The following DHX36 variants were observed in gnomAD, a reference collection of about 807,000 sequenced individuals.
DHX36 encodes the protein ATP-dependent DNA/RNA helicase DHX36.
Under a neutral mutation model 139.0 loss-of-function variants are expected in DHX36, and 50 were observed. The observed-to-expected ratio is 0.36, with a 90% CI of 0.29 to 0.46. The LOEUF (loss-of-function observed/expected upper bound fraction) is 0.46, where lower values mean the gene tolerates loss of function less well. Ranked by LOEUF, DHX36 falls within the 20% of genes least tolerant of loss-of-function variation. The pLI is 1.00. For synonymous variants in DHX36, 425 were observed against 401.9 expected (o/e 1.06, Z -0.69); for missense variants, 1,024 against 1,211.3 (o/e 0.85, Z 2.29).
At position 154,300,705 on chromosome 3, in the gene DHX36, GT is replaced by G; in HGVS notation, c.1359-10del. ...CAGTACTTGCAGAATACCTATCAAAGTTAAACACAAAGTCATGAAATACTTA... is the reference window on the plus strand; with the variant it reads ...CAGTACTTGCAGAATACCTATCAAAGTAAACACAAAGTCATGAAATACTTA... On this transcript the variant is annotated splice_polypyrimidine_tract_variant and intron_variant, in intron 10 of 24. Transcript: ENST00000496811. 1.3e-6 allele frequency: 2 copies of G among 1,591,008 alleles called. No individual in the cohort carries two copies. Among genetic ancestry groups the G allele is most frequent in the Non-Finnish European group, 1.7e-6 (2 of 1,164,838 alleles).
At position 154,272,992 on chromosome 3, in the gene DHX36, G is replaced by A. The variant is rs1373988843; in HGVS notation, c.*3179C>T. On this transcript the variant is annotated 3_prime_UTR_variant, in exon 25 of 25. Transcript: ENST00000496811. Reference sequence around the variant, plus strand: ...TTAATTAATTGGGAAGGCATCACATGTGCTCACTGTTCAACGATGCTTTTG... The same window carrying A: ...TTAATTAATTGGGAAGGCATCACATATGCTCACTGTTCAACGATGCTTTTG... 6.6e-6 allele frequency: 1 copy of A among 152,114 alleles called. No individual in the cohort carries two copies. The highest frequency in any genetic ancestry group is 1.5e-5 in the Non-Finnish European group (1 of 68,012). 9.4% of individuals were successfully genotyped at this position (152,114 alleles called of 1,614,324 possible). A position where few individuals can be genotyped will look rare whatever the true frequency, so the allele number is the denominator to read the frequency against.
intron 9 of DHX36, among the ~76,000 whole-genome samples, chr3:154,302,610 A>G (rs1712341666): frequency 6.6e-6 from 1 of 152,178 alleles, no homozygotes; most frequent in Admixed American, 6.5e-5. Flanking sequence ...AGGGATATAA[A>G]CAGGTTTGCA....
At chr3:154,284,758 C>G in intron 18 of DHX36, 56 bp downstream of exon 18, 2 of 1,599,600 alleles carry the variant, frequency 1.3e-6, no homozygotes, top group Non-Finnish European at 1.7e-6. Flanking sequence ...AAAAATATAT[C>G]TAAGCAACTC....
chr3:154,286,712 T>C (rs1711563413), intron 17 of DHX36, among the ~76,000 whole-genome samples: 2 of 152,106 alleles, frequency 1.3e-5, no homozygotes. Flanking sequence ...AACTGATTTA[T>C]AGATGGAATT....
intron 14 of DHX36, among the ~76,000 whole-genome samples, chr3:154,293,005 C>T (rs1198643269): frequency 6.6e-6 from 1 of 152,046 alleles, no homozygotes; most frequent in Non-Finnish European, 1.5e-5. Flanking sequence ...TCACAGGTTG[C>T]CTCATACCTA....
intron 14 of DHX36, among the ~76,000 whole-genome samples, chr3:154,293,181 CA>C (rs1711890168): frequency 1.3e-5 from 2 of 152,074 alleles, no homozygotes; most frequent in African/African-American, 4.8e-5. Context: ...GGCGAAAGGA[CA>C]AAATTTACCT....
chr3:154,314,462 T>C (rs1401830370), intron 3 of DHX36, among the ~76,000 whole-genome samples: 3 of 152,228 alleles, frequency 2.0e-5, no homozygotes, highest in African/African-American at 7.2e-5. Flanking sequence ...CTTAAACATA[T>C]ACATACATAC....
chr3:154,323,062 T>C (rs1300926506), intron 1 of DHX36, among the ~76,000 whole-genome samples: 1 of 152,138 alleles, frequency 6.6e-6, no homozygotes, highest in Non-Finnish European at 1.5e-5. Context: ...AGGCCTGGCG[T>C]GGTGGCTCAC....
chr3:154,313,263 C>G (rs1284602531), intron 3 of DHX36, among the ~76,000 whole-genome samples: 3 of 151,968 alleles, frequency 2.0e-5, no homozygotes, highest in Non-Finnish European at 4.4e-5. Context: ...AGGTATAGTC[C>G]AATATTCTTT....
chr3:154,302,889 C>T (rs1712354503), intron 9 of DHX36, among the ~76,000 whole-genome samples: 1 of 152,034 alleles, frequency 6.6e-6, no homozygotes, highest in African/African-American at 2.4e-5. Flanking sequence ...ACCAGCCTGG[C>T]CAACACGGTG....
At chr3:154,322,257 T>C (rs6810120) in intron 1 of DHX36, among the ~76,000 whole-genome samples, 31,399 of 152,204 alleles carry the variant, frequency 0.21, 4,526 homozygotes, top group East Asian at 0.39. Context: ...CCAGAGAACA[T>C]GTCAAGATGC....
intron 17 of DHX36, among the ~76,000 whole-genome samples, chr3:154,286,657 T>A (rs1366796485): frequency 6.6e-6 from 1 of 152,022 alleles, no homozygotes; most frequent in African/African-American, 2.4e-5. Context: ...TAGATGATGA[T>A]CTTTTTGCTA....
intron 19 of DHX36, 38 bp from the exon 20 acceptor site, chr3:154,283,309 C>T (rs572060703): frequency 7.1e-6 from 10 of 1,410,872 alleles, no homozygotes; most frequent in African/African-American, 7.0e-5. Context: ...ATATTTCTCC[C>T]GCAAACAAAG....
chr3:154,301,187 T>C (rs1387160043), intron 9 of DHX36, 60 bp from the exon 10 acceptor site: 4 of 1,467,488 alleles, frequency 2.7e-6, no homozygotes, highest in Non-Finnish European at 3.7e-6. Flanking sequence ...TTAGCTAAAA[T>C]CTGTGACATT....
At chr3:154,297,021 GATA>G in intron 12 of DHX36, among the ~76,000 whole-genome samples, 1 of 152,300 alleles carries the variant, frequency 6.6e-6, no homozygotes, top group South Asian at 2.1e-4. Flanking sequence ...CAAATGAAAT[GATA>G]GCATAAAGAG....
intron 4 of DHX36, among the ~76,000 whole-genome samples, chr3:154,310,826 T>TATATATATGTATATAC (rs1712727888): frequency 6.4e-5 from 2 of 31,102 alleles, no homozygotes; most frequent in Non-Finnish European, 9.7e-5. Flanking sequence ...TATATATATA[T>TATATATATGTATATAC]ATATATATAT....
intron 14 of DHX36, 54 bp downstream of exon 14, chr3:154,293,694 T>G: frequency 1.6e-6 from 2 of 1,278,726 alleles, no homozygotes; most frequent in East Asian, 4.6e-5. Context: ...AAACACGTTA[T>G]GGTGTTTAAA....
rs900725809 is a variant in DHX36, at chr3:154,275,242, T to C, written c.*929A>G. Reference sequence around the variant, plus strand: ...TACCTAGGCACAACCTCCCATATTCTTTAAGTCATCTCTAGATTATTTATA... The same window carrying C: ...TACCTAGGCACAACCTCCCATATTCCTTAAGTCATCTCTAGATTATTTATA... On this transcript the variant is annotated 3_prime_UTR_variant, in exon 25 of 25. Transcript: ENST00000496811. 35 of 152,230 alleles carry C rather than the reference T, an allele frequency of 2.3e-4. No homozygotes were observed. Among genetic ancestry groups the C allele is most frequent in the African/African-American group, 8.2e-4 (34 of 41,448 alleles). The allele number at this position is 152,230 out of a possible 1,614,324, so 9.4% of individuals were successfully genotyped here. A position where few individuals can be genotyped will look rare whatever the true frequency, so the allele number is the denominator to read the frequency against.
intron 9 of DHX36, among the ~76,000 whole-genome samples, chr3:154,301,582 T>C (rs1462106620): frequency 2.6e-5 from 4 of 152,164 alleles, no homozygotes; most frequent in Admixed American, 2.6e-4. Context: ...TTTTAATTAG[T>C]GCCTGCAGGA....
Sources: gnomAD v4.1 joint callset for allele counts (sites outside exome capture counted in the v4.1 genomes callset) on GRCh38, gnomAD v4.1.1 for gene constraint, MANE v1.5 for transcripts, NCBI Gene and HGNC (gene_info 2026-07-23, HGNC 2026-07-21) for gene names.